The following FOXP1 variants were observed in gnomAD, a reference collection of about 807,000 sequenced individuals.
FOXP1 encodes forkhead box P1, also known as forkhead box protein P1.
A neutral mutation model predicts 98.2 loss-of-function variants in FOXP1; 15 were observed. The ratio of observed to expected loss-of-function variants is 0.15; its 90% CI spans 0.10 to 0.24. The LOEUF (loss-of-function observed/expected upper bound fraction) is 0.24. FOXP1 is among the 10% of genes least tolerant of loss of function. FOXP1 has a pLI of 1.00. For missense variants in FOXP1, 633 were observed against 848.5 expected, an observed-to-expected ratio of 0.75 and a Z score of 3.15; for synonymous variants, 371 against 314.5, an observed-to-expected ratio of 1.18 and a Z score of -1.90.
At chr3:70,977,549 C>T in intron 16 of FOXP1, 94 bp downstream of exon 16, 1 of 1,049,844 alleles carries the variant, frequency 9.5e-7, no homozygotes, top group Non-Finnish European at 1.5e-6. Context: ...AGCATGCTTG[C>T]ATACTAAACG....
chr3:71,120,631 G>C (rs1038181612), intron 6 of FOXP1, among the ~76,000 whole-genome samples: 4 of 152,154 alleles, frequency 2.6e-5, no homozygotes, highest in Admixed American at 1.3e-4. Context: ...CTTCTCTTTG[G>C]TCATCATTGT....
intron 3 of FOXP1, among the ~76,000 whole-genome samples, chr3:71,417,661 C>T (rs577314348): frequency 6.6e-6 from 1 of 152,040 alleles, no homozygotes; most frequent in Admixed American, 6.5e-5. Flanking sequence ...AAATTCCTTT[C>T]AACCAAAAGG....
chr3:71,343,206 A>G (rs2077115727), intron 4 of FOXP1, among the ~76,000 whole-genome samples: 1 of 152,250 alleles, frequency 6.6e-6, no homozygotes, highest in Admixed American at 6.5e-5. Context: ...GCCACCATTT[A>G]TAGTTTCATC....
At chr3:70,987,925 G>A in intron 14 of FOXP1, 69 bp downstream of exon 14, 1 of 1,420,006 alleles carries the variant, frequency 7.0e-7, no homozygotes, top group Non-Finnish European at 1.0e-6. Context: ...TCCTCCATTT[G>A]GGGTGGGGAA....
chr3:71,471,194 C>T (rs749972491), intron 3 of FOXP1, among the ~76,000 whole-genome samples: 1 of 151,668 alleles, frequency 6.6e-6, no homozygotes, highest in Non-Finnish European at 1.5e-5. Flanking sequence ...GGTTTACACC[C>T]CAAAGGGGAA....
chr3:70,984,744 G>A lies in FOXP1; in HGVS notation c.1146+3250C>T, dbSNP rs556747310. On this transcript the variant is annotated intron_variant, in intron 14 of 20. Coordinates refer to ENST00000649528, the MANE Select transcript of FOXP1 (RefSeq NM_001349338.3). Reference sequence around the variant, plus strand: ...ATAGCAAGCAGGAAGAAAGGCCGTCGAAGGAGTCTGAGGGATGGGAAGCCC... The same window carrying A: ...ATAGCAAGCAGGAAGAAAGGCCGTCAAAGGAGTCTGAGGGATGGGAAGCCC... Among the ~76,000 whole-genome samples the A allele has an allele frequency of 2.8e-4, 42 of 152,150 alleles. 1 individual carries two copies. Among genetic ancestry groups the A allele is most frequent in the African/African-American group, 7.7e-4 (32 of 41,530 alleles).
chr3:71,320,900 T>C lies in FOXP1; in HGVS notation c.-72-21020A>G, dbSNP rs536302469. 4.6e-5 allele frequency among the ~76,000 whole-genome samples: 7 copies of C among 152,290 alleles called. No homozygotes were observed. The South Asian group carries it at 1.4e-3, about 32-fold the overall frequency. ...GAAGATATAAGAAATGTGTCACAGCTGATATTTATGTGAATGACTGAGATA... is the reference window on the plus strand; with the variant it reads ...GAAGATATAAGAAATGTGTCACAGCCGATATTTATGTGAATGACTGAGATA... On this transcript the variant is annotated intron_variant, in intron 4 of 20. Coordinates refer to ENST00000649528, the MANE Select transcript of FOXP1 (RefSeq NM_001349338.3).
At chr3:71,062,772 C>T (rs2051719884) in intron 7 of FOXP1, among the ~76,000 whole-genome samples, 1 of 152,276 alleles carries the variant, frequency 6.6e-6, no homozygotes, top group Middle Eastern at 3.4e-3. Context: ...TTAAGGCAAA[C>T]GGGTGAATAT....
chr3:71,188,126 G>A (rs1259044305), intron 6 of FOXP1, among the ~76,000 whole-genome samples: 1 of 152,174 alleles, frequency 6.6e-6, no homozygotes, highest in Non-Finnish European at 1.5e-5. Context: ...TGAGAGGCAT[G>A]ACTCTGCTGT....
intron 3 of FOXP1, among the ~76,000 whole-genome samples, chr3:71,456,828 T>C (rs2087558789): frequency 6.6e-6 from 1 of 151,780 alleles, no homozygotes; most frequent in Non-Finnish European, 1.5e-5. Context: ...TTTTCTGTGA[T>C]ATATCTATGT....
At chr3:71,253,975 A>G (rs2068427272) in intron 5 of FOXP1, among the ~76,000 whole-genome samples, 1 of 152,222 alleles carries the variant, frequency 6.6e-6, no homozygotes, top group South Asian at 2.1e-4. Context: ...ATGAACATGT[A>G]CACCTTACAA....
chr3:71,436,886 C>A (rs1577503646), intron 3 of FOXP1, among the ~76,000 whole-genome samples: 1 of 152,110 alleles, frequency 6.6e-6, no homozygotes, highest in Admixed American at 6.5e-5. Flanking sequence ...AAAATGTAAG[C>A]CCCATGACCG....
Position 71,529,575 on chromosome 3 carries a change from C to T in FOXP1, c.-297-36020G>A, listed in dbSNP as rs371512771. 2.0e-5 allele frequency among the ~76,000 whole-genome samples: 3 copies of T among 152,196 alleles called. No individual in the cohort carries two copies. The East Asian group carries it at 5.8e-4, about 29-fold the overall frequency. ...ACTTTCAGCTCCAGCCTCTGACCTC[C>T]AAGTTCTGACTTCCAGAGAGGGGAG... On this transcript the variant is annotated intron_variant, in intron 2 of 20. Transcript: ENST00000649528.
chr3:70,956,281 C>T lies in FOXP1; in HGVS notation c.*2966G>A, dbSNP rs2031761624. The T allele has an allele frequency of 4.3e-6, 1 of 233,450 alleles. No individual in the cohort carries two copies. The highest frequency in any genetic ancestry group is 8.5e-6 in the Non-Finnish European group (1 of 117,934). The allele number at this position is 233,450 out of a possible 1,614,324, so 14.5% of individuals were successfully genotyped here. A position where few individuals can be genotyped will look rare whatever the true frequency, so the allele number is the denominator to read the frequency against. On this transcript the variant is annotated 3_prime_UTR_variant, in exon 21 of 21. Coordinates refer to ENST00000649528, the MANE Select transcript of FOXP1 (RefSeq NM_001349338.3). ...CATCCTAAAGAAGCAACTGGGATAA[C>T]CCCCAGGGGATACAGAATCAGAATT...
intron 5 of FOXP1, among the ~76,000 whole-genome samples, chr3:71,293,953 C>T (rs1187140351): frequency 6.6e-6 from 1 of 152,086 alleles, no homozygotes; most frequent in African/African-American, 2.4e-5. Flanking sequence ...GGTTTTAAGA[C>T]AGTTAAAAAT....
intron 12 of FOXP1, among the ~76,000 whole-genome samples, chr3:71,003,606 C>T (rs2042388098): frequency 1.3e-5 from 2 of 152,056 alleles, no homozygotes; most frequent in Admixed American, 1.3e-4. Flanking sequence ...TTTTTCTGCA[C>T]ATTTATAACT....
intron 3 of FOXP1, among the ~76,000 whole-genome samples, chr3:71,479,731 G>T (rs1198245470): frequency 6.8e-6 from 1 of 147,650 alleles, no homozygotes; most frequent in Non-Finnish European, 1.5e-5. Context: ...TAAAGCAAAA[G>T]ACCATAAACT....
intron 6 of FOXP1, among the ~76,000 whole-genome samples, chr3:71,138,909 TAA>T (rs796630958): frequency 1.4e-5 from 2 of 144,982 alleles, no homozygotes; most frequent in African/African-American, 5.0e-5. Flanking sequence ...TGCAATAAGT[TAA>T]AAAAAAAAAA....
intron 6 of FOXP1, among the ~76,000 whole-genome samples, chr3:71,157,275 G>C (rs149343220): frequency 6.6e-6 from 1 of 152,172 alleles, no homozygotes; most frequent in Non-Finnish European, 1.5e-5. Flanking sequence ...GGGGATGGAG[G>C]AGAGAATAAC....
Sources: allele counts gnomAD v4.1 joint callset (sites outside exome capture counted in the v4.1 genomes callset), GRCh38; gene constraint gnomAD v4.1.1; transcripts MANE v1.5; gene names NCBI Gene and HGNC (gene_info 2026-07-23, HGNC 2026-07-21).